WWOX: variants seen among roughly 807,000 people sequenced by gnomAD.
The protein encoded by WWOX is WW domain-containing oxidoreductase.
In WWOX, 69 loss-of-function variants were observed where a neutral mutation model predicts 46.2. The observed-to-expected ratio is 1.49, with a 90% CI of 1.23 to 1.82. The LOEUF is 1.82. Ranked by LOEUF, WWOX falls within the 40% of genes most tolerant of loss-of-function variation. The pLI, the probability that WWOX is intolerant of heterozygous loss-of-function variation, is 0.00. For synonymous variants in WWOX, 359 were observed against 202.6 expected (o/e 1.77, Z -6.56); for missense variants, 919 against 542.6 (o/e 1.69, Z -6.89).
intron 4 of WWOX, among the ~76,000 whole-genome samples, chr16:78,122,055 C>G (rs964737976): frequency 6.6e-6 from 1 of 152,096 alleles, no homozygotes; most frequent in African/African-American, 2.4e-5. Flanking sequence ...ACCACATTTA[C>G]ATAACTTTTA....
intron 8 of WWOX, among the ~76,000 whole-genome samples, chr16:78,865,323 C>T (rs1440313030): frequency 6.6e-6 from 1 of 151,866 alleles, no homozygotes; most frequent in Non-Finnish European, 1.5e-5. Flanking sequence ...AGACAACTTG[C>T]AAGACTTATT....
chr16:79,128,908 C>T (rs1006955226), intron 8 of WWOX, among the ~76,000 whole-genome samples: 1 of 152,116 alleles, frequency 6.6e-6, no homozygotes. Flanking sequence ...ATCCCACAAC[C>T]CGCACAAAGG....
chr16:78,970,588 G>A (rs1047928206), intron 8 of WWOX, among the ~76,000 whole-genome samples: 1 of 152,152 alleles, frequency 6.6e-6, no homozygotes, highest in African/African-American at 2.4e-5. Flanking sequence ...AGACATTCAA[G>A]GTAGAAGGAA....
At chr16:78,827,962 C>G (rs918426465) in intron 8 of WWOX, among the ~76,000 whole-genome samples, 12 of 152,204 alleles carry the variant, frequency 7.9e-5, no homozygotes, top group African/African-American at 2.9e-4. Flanking sequence ...GTTGACATGA[C>G]TGGGGACAGA....
intron 8 of WWOX, among the ~76,000 whole-genome samples, chr16:79,064,500 C>G (rs565027678): frequency 4.6e-5 from 7 of 152,144 alleles, no homozygotes; most frequent in Admixed American, 2.6e-4. Flanking sequence ...GGATTTGAGG[C>G]GTGTCTAGGA....
intron 8 of WWOX, among the ~76,000 whole-genome samples, chr16:78,642,800 G>T (rs531922467): frequency 1.3e-5 from 2 of 152,106 alleles, no homozygotes; most frequent in South Asian, 2.1e-4. Flanking sequence ...ACAGATGCAG[G>T]AAAAACATCT....
chr16:78,510,601 G>A (rs2085339170), intron 8 of WWOX, among the ~76,000 whole-genome samples: 1 of 152,204 alleles, frequency 6.6e-6, no homozygotes, highest in African/African-American at 2.4e-5. Flanking sequence ...ATTTAGCTAT[G>A]GATACAAGAG....
intron 8 of WWOX, among the ~76,000 whole-genome samples, chr16:78,887,542 A>T (rs1031608236): frequency 1.3e-5 from 2 of 151,144 alleles, no homozygotes; most frequent in East Asian, 3.9e-4. Context: ...AGACACCTCA[A>T]CACCCTTCCA....
rs556537158 is a variant in WWOX, at chr16:79,085,013, A to G, written c.1057-126595A>G. 6.0e-5 allele frequency among the ~76,000 whole-genome samples: 9 copies of G among 149,930 alleles called. No homozygotes were observed. In the South Asian group the frequency reaches 1.7e-3, roughly 28 times the overall value. On this transcript the variant is annotated intron_variant, in intron 8 of 8. Transcript: ENST00000566780. ...CAATTATAGCTCACCACAGCCTTGA[A>G]CTACTAGGCTTAAGCAATCCTCCCG...
intron 8 of WWOX, among the ~76,000 whole-genome samples, chr16:78,465,981 G>A (rs1053274398): frequency 4.6e-5 from 7 of 152,066 alleles, no homozygotes; most frequent in Non-Finnish European, 1.0e-4. Context: ...CTGGGGCGGC[G>A]GGGAGTATGG....
intron 8 of WWOX, among the ~76,000 whole-genome samples, chr16:78,512,247 A>G (rs79821501): frequency 2.0e-5 from 3 of 152,220 alleles, no homozygotes; most frequent in East Asian, 1.9e-4. Flanking sequence ...AATATTATCA[A>G]TTGCTGGTTC....
intron 8 of WWOX, among the ~76,000 whole-genome samples, chr16:79,020,731 A>G (rs2151384952): frequency 6.6e-6 from 1 of 152,314 alleles, no homozygotes; most frequent in South Asian, 2.1e-4. Context: ...TGCAAGGGGA[A>G]GGGTGTTGAT....
At chr16:78,523,946 C>G (rs2043402880) in intron 8 of WWOX, among the ~76,000 whole-genome samples, 1 of 152,186 alleles carries the variant, frequency 6.6e-6, no homozygotes, top group Non-Finnish European at 1.5e-5. Flanking sequence ...TTTCCTTGTT[C>G]TTCTTTCCCT....
chr16:79,154,812 A>G (rs2050349357), intron 8 of WWOX, among the ~76,000 whole-genome samples: 1 of 152,206 alleles, frequency 6.6e-6, no homozygotes. Flanking sequence ...CTGAGCATGA[A>G]CCATGAAATT....
intron 7 of WWOX, among the ~76,000 whole-genome samples, chr16:78,431,958 C>T (rs1406813892): frequency 2.0e-5 from 3 of 152,140 alleles, no homozygotes; most frequent in Non-Finnish European, 4.4e-5. Flanking sequence ...TCAAGCAATC[C>T]TCCCGCCTCA....
intron 5 of WWOX, among the ~76,000 whole-genome samples, chr16:78,181,680 G>T (rs2035536919): frequency 6.6e-6 from 1 of 151,972 alleles, no homozygotes; most frequent in Non-Finnish European, 1.5e-5. Flanking sequence ...TTTTTTTCTT[G>T]CTATAAAGAG....
intron 8 of WWOX, among the ~76,000 whole-genome samples, chr16:78,886,334 T>C (rs2044457710): frequency 6.6e-6 from 1 of 151,982 alleles, no homozygotes; most frequent in Admixed American, 6.6e-5. Flanking sequence ...GAGTACATTT[T>C]GTGCATTCTG....
At chr16:79,190,476 C>T (rs1231735285) in intron 8 of WWOX, among the ~76,000 whole-genome samples, 1 of 152,182 alleles carries the variant, frequency 6.6e-6, no homozygotes, top group Non-Finnish European at 1.5e-5. Flanking sequence ...AGAGGCCTTA[C>T]CCCGCTACAG....
intron 8 of WWOX, chr16:78,825,900 G>T: frequency 1.4e-6 from 1 of 699,642 alleles, no homozygotes; most frequent in East Asian, 2.6e-5. Flanking sequence ...GACCACGTGA[G>T]CATCATGGAA....
Sources: allele counts gnomAD v4.1 joint callset (sites outside exome capture counted in the v4.1 genomes callset), GRCh38; gene constraint gnomAD v4.1.1; transcripts MANE v1.5; gene names NCBI Gene and HGNC (gene_info 2026-07-23, HGNC 2026-07-21).